The following HSD17B11 variants were observed in gnomAD, a reference collection of about 807,000 sequenced individuals.
HSD17B11 encodes the protein estradiol 17-beta-dehydrogenase 11.
HSD17B11 carries 22 observed loss-of-function variants against 27.8 expected under a neutral mutation model. The ratio of observed to expected loss-of-function variants is 0.79; its 90% CI spans 0.56 to 1.13. HSD17B11 has a LOEUF of 1.13. Among genes scored for constraint, HSD17B11 ranks in the 50% most tolerant of loss-of-function variants. The pLI, the probability that HSD17B11 is intolerant of heterozygous loss-of-function variation, is 0.00. For synonymous variants in HSD17B11, 117 were observed against 132.8 expected, an observed-to-expected ratio of 0.88 and a Z score of 0.82; for missense variants, 314 against 351.1, an observed-to-expected ratio of 0.89 and a Z score of 0.84.
intron 4 of HSD17B11, among the ~76,000 whole-genome samples, chr4:87,370,298 G>T (rs548426748): frequency 6.6e-6 from 1 of 152,314 alleles, no homozygotes; most frequent in East Asian, 1.9e-4. Context: ...GAATTGAAAT[G>T]TAATGCCAAC....
At chr4:87,381,195 AAAAAAAAAAAAAG>A (rs1046455345) in intron 2 of HSD17B11, among the ~76,000 whole-genome samples, 3 of 77,868 alleles carry the variant, frequency 3.9e-5, no homozygotes, top group Non-Finnish European at 6.1e-5. Context: ...TCAAAAAAAA[AAAAAAAAAAAAAG>A]AACTCAAACC....
chr4:87,372,882 T>C lies in HSD17B11; in HGVS notation c.451-67A>G. 4 of 956,802 alleles carry C rather than the reference T, an allele frequency of 4.2e-6. 1 individual carries two copies. The South Asian group carries it at 5.8e-5, about 14-fold the overall frequency. 59.3% of individuals were successfully genotyped at this position (956,802 alleles called of 1,614,324 possible). A position where few individuals can be genotyped will look rare whatever the true frequency, so the allele number is the denominator to read the frequency against. On this transcript the variant is annotated intron_variant, in intron 3 of 6. Coordinates refer to ENST00000358290, the MANE Select transcript of HSD17B11 (RefSeq NM_016245.5). ...CAGACTCACAGACCTATTGGGAATA[T>C]TTTGAAACAAAAGTATATTTTTTAA... is the stretch of plus-strand genomic sequence containing the variant.
chr4:87,382,403 G>T, intron 1 of HSD17B11, 41 bp from the exon 2 acceptor site: 1 of 1,163,434 alleles, frequency 8.6e-7, no homozygotes, highest in Non-Finnish European at 1.3e-6. Flanking sequence ...TAATTGATAT[G>T]AACATATTAT....
chr4:87,341,621 G>A lies in HSD17B11; in HGVS notation c.696-1015C>T, dbSNP rs181722156. Among the ~76,000 whole-genome samples, 1,246 of 152,272 alleles carry A rather than the reference G, an allele frequency of 8.2e-3. 12 individuals carry two copies. The highest frequency in any genetic ancestry group is 0.028 in the African/African-American group (1,168 of 41,550). ...TATCCCCGTAATCCCAGCACTTTGG[G>A]AGGCTGAGGCGGGTGGAGCGCTTGA... On this transcript the variant is annotated intron_variant, in intron 5 of 6. Coordinates refer to ENST00000358290, the MANE Select transcript of HSD17B11 (RefSeq NM_016245.5).
intron 4 of HSD17B11, among the ~76,000 whole-genome samples, chr4:87,361,740 A>G (rs755751262): frequency 6.6e-6 from 1 of 152,122 alleles, no homozygotes. Flanking sequence ...GCACTCCATC[A>G]TGGGCAACAG....
chr4:87,366,256 A>G (rs1560764484), intron 4 of HSD17B11, among the ~76,000 whole-genome samples: 2 of 152,224 alleles, frequency 1.3e-5, no homozygotes, highest in African/African-American at 2.4e-5. Flanking sequence ...TAAATTAAAC[A>G]TTGGAATAAA....
At chr4:87,372,958 A>G (rs1229093812) in intron 3 of HSD17B11, 143 bp from the exon 4 acceptor site, 1 of 603,160 alleles carries the variant, frequency 1.7e-6, no homozygotes, top group Non-Finnish European at 2.9e-6. Context: ...AAATGCAGCA[A>G]CAATAAGGTG....
intron 4 of HSD17B11, among the ~76,000 whole-genome samples, chr4:87,365,106 T>A (rs55895035): frequency 0.15 from 23,417 of 152,152 alleles, 1,936 homozygotes; most frequent in Admixed American, 0.19. Context: ...GAGGCAGAGG[T>A]TGCAGTGAGC....
intron 4 of HSD17B11, among the ~76,000 whole-genome samples, chr4:87,361,829 A>G (rs529492769): frequency 1.3e-5 from 2 of 152,308 alleles, no homozygotes; most frequent in South Asian, 4.1e-4. Flanking sequence ...TTCTTTCATG[A>G]GATCCAAGAA....
intron 2 of HSD17B11, among the ~76,000 whole-genome samples, chr4:87,379,803 C>A (rs930980040): frequency 2.1e-5 from 3 of 139,964 alleles, no homozygotes; most frequent in African/African-American, 5.4e-5. Context: ...GTATAATATA[C>A]TATAGTATTA....
intron 2 of HSD17B11, 70 bp from the exon 3 acceptor site, chr4:87,374,900 T>A: frequency 1.7e-6 from 1 of 593,758 alleles, no homozygotes. Context: ...ACAATGGCTA[T>A]TTTTTTTTTT....
At chr4:87,379,856 GTATATGTAT>G (rs1720085532) in intron 2 of HSD17B11, among the ~76,000 whole-genome samples, 1 of 61,252 alleles carries the variant, frequency 1.6e-5, no homozygotes, top group African/African-American at 1.3e-4. Context: ...ATATGTATAT[GTATATGTAT>G]TATACTATTA....
At chr4:87,347,052 G>C (rs947150477) in intron 5 of HSD17B11, among the ~76,000 whole-genome samples, 9 of 149,104 alleles carry the variant, frequency 6.0e-5, no homozygotes, top group African/African-American at 2.0e-4. Flanking sequence ...TGATTATTGG[G>C]AGCAATAGCA....
chr4:87,345,711 A>G (rs1229260185), intron 5 of HSD17B11, among the ~76,000 whole-genome samples: 1 of 152,140 alleles, frequency 6.6e-6, no homozygotes, highest in Non-Finnish European at 1.5e-5. Flanking sequence ...ACCTACATGA[A>G]ATATACAAAC....
intron 1 of HSD17B11, among the ~76,000 whole-genome samples, chr4:87,387,489 A>C (rs1163650532): frequency 6.6e-6 from 1 of 152,156 alleles, no homozygotes; most frequent in Non-Finnish European, 1.5e-5. Context: ...TCACCAGCCC[A>C]AGAGCTTCAC....
chr4:87,343,698 C>T (rs901755396), intron 5 of HSD17B11, among the ~76,000 whole-genome samples: 1 of 152,038 alleles, frequency 6.6e-6, no homozygotes, highest in Non-Finnish European at 1.5e-5. Flanking sequence ...CAGGCATGTG[C>T]CACCACGCCT....
At chr4:87,377,107 G>A (rs1226720547) in intron 2 of HSD17B11, among the ~76,000 whole-genome samples, 4 of 151,610 alleles carry the variant, frequency 2.6e-5, no homozygotes, top group Non-Finnish European at 5.9e-5. Flanking sequence ...GCCCGCCTGG[G>A]TGACAGAGCA....
At chr4:87,372,104 G>A (rs11722370) in intron 4 of HSD17B11, among the ~76,000 whole-genome samples, 53,618 of 151,716 alleles carry the variant, frequency 0.35, 10,640 homozygotes, top group African/African-American at 0.52. Context: ...GTAGCCAGGC[G>A]TGGTGGCAGG....
At chr4:87,359,469 C>A (rs1263804533) in intron 4 of HSD17B11, among the ~76,000 whole-genome samples, 1 of 152,144 alleles carries the variant, frequency 6.6e-6, no homozygotes, top group African/African-American at 2.4e-5. Context: ...TCAAGCAATC[C>A]TATCACCTCA....
Sources: allele counts gnomAD v4.1 joint callset (sites outside exome capture counted in the v4.1 genomes callset), GRCh38; gene constraint gnomAD v4.1.1; transcripts MANE v1.5; gene names NCBI Gene and HGNC (gene_info 2026-07-23, HGNC 2026-07-21).